TANC1: variants seen among roughly 807,000 people sequenced by gnomAD.
The protein encoded by TANC1 is protein TANC1.
TANC1 carries 77 observed loss-of-function variants against 149.7 expected under a neutral mutation model. The ratio of observed to expected loss-of-function variants is 0.51; its 90% confidence interval spans 0.43 to 0.62. The LOEUF (loss-of-function observed/expected upper bound fraction) is 0.62, where lower values mean the gene tolerates loss of function less well. Ranked by LOEUF, TANC1 falls within the 20% of genes least tolerant of loss-of-function variation. The probability of loss-of-function intolerance (pLI) is 0.00; values close to 1 mark genes in which losing one functional copy is unlikely to be tolerated. For synonymous variants in TANC1, 854 were observed against 925.0 expected, an observed-to-expected ratio of 0.92 and a Z score of 1.39; for missense variants, 1,985 against 2,321.8, an observed-to-expected ratio of 0.85 and a Z score of 2.98.
Position 159,160,529 on chromosome 2 carries a change from T to C in TANC1, c.683-2754T>C, listed in dbSNP as rs558600939. Among the ~76,000 whole-genome samples, 31 of 152,318 alleles carry C rather than the reference T, an allele frequency of 2.0e-4. No homozygotes were observed. The South Asian group carries it at 6.4e-3, about 32-fold the overall frequency. On this transcript the variant is annotated intron_variant, in intron 7 of 26. Transcript: ENST00000263635. ...TTGGGGACTCCGGGGCTGCCATGTT[T>C]GGTGTTGTTCTTAGGTTATGCAGGG...
chr2:159,199,029 A>C lies in TANC1; in HGVS notation c.3220A>C (p.Thr1074Pro). The change falls in exon 19 of 27, where the codon ACC (threonine) becomes CCC (proline). Residue 1074 changes from threonine to proline, a missense_variant. Thr to Pro is a conservative substitution (Grantham distance 38). Around this residue, in one of 3 missense-constraint regions of TANC1, gnomAD observed 920 missense variants for 994.7 expected, o/e 0.92. Transcript: ENST00000263635. ...EKEHEVEVNG[T>P]DTLWGETALT... ...GGAACATGAAGTAGAAGTCAATGGC[A>C]CCGACACATTGTGGGGAGAAACAGG... 6.2e-7 allele frequency: 1 copy of C among 1,614,040 alleles called. No homozygotes were observed. The highest frequency in any genetic ancestry group is 8.5e-7 in the Non-Finnish European group (1 of 1,179,914).
At chr2:158,990,674 G>C (rs1163521765) in intron 1 of TANC1, among the ~76,000 whole-genome samples, 1 of 152,196 alleles carries the variant, frequency 6.6e-6, no homozygotes, top group Non-Finnish European at 1.5e-5. Context: ...TGCAGTTGGG[G>C]GTTGGCTGGA....
intron 1 of TANC1, among the ~76,000 whole-genome samples, chr2:158,977,416 T>C (rs1270048952): frequency 6.6e-6 from 1 of 152,080 alleles, no homozygotes; most frequent in Non-Finnish European, 1.5e-5. Context: ...GTTCGAGTGA[T>C]TGTCCTGCCT....
In TANC1 at chr2:159,231,089, C is replaced by T; in HGVS notation, c.*77C>T. On this transcript the variant is annotated 3_prime_UTR_variant, in exon 27 of 27. Transcript: ENST00000263635. The stretch of plus-strand genomic sequence containing the variant: ...TGGTAAATTAAATAGTTTTTTTCAT[C>T]AGAAAAATTATTTTTTAGCCATTTT... The T allele has an allele frequency of 8.2e-7, 1 of 1,224,008 alleles. No individual in the cohort carries two copies. Among genetic ancestry groups the T allele is most frequent in the Non-Finnish European group, 1.1e-6 (1 of 888,240 alleles). The allele number at this position is 1,224,008 out of a possible 1,614,324, so 75.8% of individuals were successfully genotyped here.
chr2:159,108,028 G>T (rs1345559018), intron 4 of TANC1, among the ~76,000 whole-genome samples: 3 of 152,198 alleles, frequency 2.0e-5, no homozygotes, highest in African/African-American at 7.2e-5. Flanking sequence ...ATGGAGCATA[G>T]GTAAGTAACT....
At chr2:159,016,933 A>T (rs920252715) in intron 2 of TANC1, among the ~76,000 whole-genome samples, 2 of 152,110 alleles carry the variant, frequency 1.3e-5, no homozygotes, top group Admixed American at 1.3e-4. Context: ...ATTTCCTTCC[A>T]TTGCTGGTTT....
At chr2:159,209,958 A>C (rs1043024258) in intron 19 of TANC1, among the ~76,000 whole-genome samples, 1 of 152,104 alleles carries the variant, frequency 6.6e-6, no homozygotes, top group Non-Finnish European at 1.5e-5. Flanking sequence ...AAAATATGGG[A>C]GAGGCCAGGA....
intron 4 of TANC1, 38 bp downstream of exon 4, chr2:159,097,872 G>A (rs1047146951): frequency 1.3e-6 from 2 of 1,569,538 alleles, no homozygotes; most frequent in Non-Finnish European, 1.7e-6. Context: ...GGTTATATAT[G>A]TAGTACCTGC....
intron 1 of TANC1, among the ~76,000 whole-genome samples, chr2:158,985,547 T>C (rs1424019455): frequency 1.3e-5 from 2 of 152,238 alleles, no homozygotes; most frequent in African/African-American, 4.8e-5. Flanking sequence ...GTGGACTGGT[T>C]AACCTCAGAT....
chr2:159,060,117 G>T (rs1455743952), intron 2 of TANC1: 2 of 975,058 alleles, frequency 2.1e-6, no homozygotes, highest in Non-Finnish European at 2.4e-6. Context: ...AGTTACGTGA[G>T]TCAGACTAAC....
intron 2 of TANC1, among the ~76,000 whole-genome samples, chr2:159,065,083 G>C (rs200620678): frequency 1.3e-5 from 2 of 152,210 alleles, no homozygotes; most frequent in African/African-American, 4.8e-5. Flanking sequence ...TGGGGAGAGA[G>C]AGCTTAAAGG....
rs148018326 is a variant in TANC1 at position 159,098,591 on chromosome 2, C to A, written c.259+757C>A. Among the ~76,000 whole-genome samples the A allele has an allele frequency of 1.1e-3, 160 of 152,160 alleles. 1 individual carries two copies. The highest frequency in any genetic ancestry group is 1.8e-3 in the Non-Finnish European group (123 of 68,020). ...GATGTATTTCATTTGATTACATCATCTAGCATTTGAACAGCTATAAAGTTT... is the reference window on the plus strand; with the variant it reads ...GATGTATTTCATTTGATTACATCATATAGCATTTGAACAGCTATAAAGTTT... On this transcript the variant is annotated intron_variant, in intron 4 of 26. Coordinates refer to ENST00000263635, the MANE Select transcript of TANC1 (RefSeq NM_033394.3).
chr2:159,185,839 G>T lies in TANC1; in HGVS notation c.2559G>T (p.Lys853Asn). 1 of 1,614,202 alleles carries T rather than the reference G, an allele frequency of 6.2e-7. No homozygotes were observed. Among genetic ancestry groups the T allele is most frequent in the Non-Finnish European group, 8.5e-7 (1 of 1,180,036 alleles). ...LAFMFSRQEG[K>N]LNRQQTMELG... Reference sequence around the variant, plus strand: ...TCATGTTCTCGCGTCAGGAGGGCAAGTTGAACCGCCAGCAGACCATGGAGC... The same window carrying T: ...TCATGTTCTCGCGTCAGGAGGGCAATTTGAACCGCCAGCAGACCATGGAGC... The change falls in exon 15 of 27, where the codon AAG (lysine) becomes AAT (asparagine). Residue 853 changes from lysine to asparagine, a missense_variant. Lys to Asn is a moderately conservative substitution (Grantham distance 94). Around this residue, in one of 3 missense-constraint regions of TANC1, gnomAD observed 508 missense variants for 714.2 expected, o/e 0.71. Transcript: ENST00000263635.
intron 3 of TANC1, among the ~76,000 whole-genome samples, chr2:159,089,543 C>G (rs1438529288): frequency 6.6e-6 from 1 of 152,160 alleles, no homozygotes; most frequent in African/African-American, 2.4e-5. Context: ...CCATTACACT[C>G]CAACCCTCAT....
In TANC1 at chr2:159,195,671, G is replaced by A. The variant is rs954783543; in HGVS notation, c.2980-937G>A. Among the ~76,000 whole-genome samples the A allele has an allele frequency of 4.6e-5, 7 of 152,092 alleles. No individual in the cohort carries two copies. The South Asian group carries it at 1.2e-3, about 27-fold the overall frequency. On this transcript the variant is annotated intron_variant, in intron 17 of 26. Coordinates refer to ENST00000263635, the MANE Select transcript of TANC1 (RefSeq NM_033394.3). Reference sequence around the variant, plus strand: ...TACATAAACTTCAGTTCATGGAGAAGGAAATGTGTGGCTAAGCCTTTGGGG... The same window carrying A: ...TACATAAACTTCAGTTCATGGAGAAAGAAATGTGTGGCTAAGCCTTTGGGG...
Position 159,150,498 on chromosome 2 carries a change from C to T in TANC1, c.624C>T (p.Pro208=), listed in dbSNP as rs1263082347. ...GCAAGACGGCAGCCAACAAAAGTCC[C>T]TGTGAGACCATTAGCAGCCCTAGTT... ...CVSKTAANKS[P]CETISSPSST... is the part of the protein sequence containing the mutation. Residue 208 remains proline (P), a synonymous_variant, in exon 7 of 27, where the codon CCC becomes CCT. Coordinates refer to ENST00000263635, the MANE Select transcript of TANC1 (RefSeq NM_033394.3). 1.1e-5 allele frequency: 17 copies of T among 1,614,154 alleles called. No individual in the cohort carries two copies. The highest frequency in any genetic ancestry group is 1.7e-5 in the Admixed American group (1 of 60,018).
chr2:159,017,666 A>T (rs1427559958), intron 2 of TANC1, among the ~76,000 whole-genome samples: 3 of 150,966 alleles, frequency 2.0e-5, no homozygotes, highest in East Asian at 1.9e-4. Context: ...TGCCTTGCAG[A>T]TGAGCAGTCT....
At chr2:159,076,059 G>A (rs2043639854) in intron 3 of TANC1, among the ~76,000 whole-genome samples, 1 of 152,090 alleles carries the variant, frequency 6.6e-6, no homozygotes, top group Admixed American at 6.5e-5. Context: ...CTTTGAGATT[G>A]GTAGACCTCT....
At chr2:159,098,907 A>G (rs917108101) in intron 4 of TANC1, among the ~76,000 whole-genome samples, 3 of 152,192 alleles carry the variant, frequency 2.0e-5, no homozygotes, top group Non-Finnish European at 4.4e-5. Context: ...TGCCAGTGTA[A>G]GGATTCTTCT....
Sources: gnomAD v4.1 joint callset for allele counts (sites outside exome capture counted in the v4.1 genomes callset) on GRCh38, gnomAD v4.1.1 for gene constraint, gnomAD v4.1.1 regional missense constraint, MANE v1.5 for transcripts, NCBI Gene and HGNC (gene_info 2026-07-23, HGNC 2026-07-21) for gene names.